RGS6: variants seen among roughly 807,000 people sequenced by gnomAD.
RGS6 encodes regulator of G-protein signaling 6.
RGS6 carries 30 observed loss-of-function variants against 78.5 expected under a neutral mutation model. The observed-to-expected ratio is 0.38, with a 90% CI of 0.29 to 0.52. The LOEUF is 0.52. Among genes scored for constraint, RGS6 ranks in the 20% least tolerant of loss-of-function variants. The pLI, the probability that RGS6 is intolerant of heterozygous loss-of-function variation, is 0.85. For missense variants in RGS6, 495 were observed against 609.7 expected (o/e 0.81, Z 1.98); for synonymous variants, 206 against 206.0 (o/e 1.00, Z 0.00).
chr14:72,096,821 G>A (rs2095418259), intron 2 of RGS6, among the ~76,000 whole-genome samples: 1 of 152,230 alleles, frequency 6.6e-6, no homozygotes, highest in Non-Finnish European at 1.5e-5. Flanking sequence ...CCCAGATGAA[G>A]GGGCAAGTTC....
At chr14:72,129,013 T>C (rs1005831577) in intron 2 of RGS6, among the ~76,000 whole-genome samples, 1 of 152,196 alleles carries the variant, frequency 6.6e-6, no homozygotes, top group African/African-American at 2.4e-5. Flanking sequence ...TTAAAAAAGG[T>C]GTAAAGCCTC....
At chr14:71,910,172 A>G in the RGS6 span, among the ~76,000 whole-genome samples, 98 of 151,650 alleles carry the variant, frequency 6.5e-4, no homozygotes, top group Non-Finnish European at 1.3e-3. Flanking sequence ...CCTAGGCAAC[A>G]GAGCGAGACT....
At chr14:72,416,957 G>C (rs2093856701) in intron 3 of RGS6, among the ~76,000 whole-genome samples, 1 of 152,182 alleles carries the variant, frequency 6.6e-6, no homozygotes, top group Non-Finnish European at 1.5e-5. Context: ...ACTTGGAACA[G>C]GGCCTGGCAC....
At chr14:72,534,569 A>G (rs2097221604) in intron 15 of RGS6, among the ~76,000 whole-genome samples, 1 of 152,212 alleles carries the variant, frequency 6.6e-6, no homozygotes, top group African/African-American at 2.4e-5. Flanking sequence ...TTATGCCTAT[A>G]TACTGCATTT....
chr14:72,028,937 G>A (rs891269174), intron 2 of RGS6, among the ~76,000 whole-genome samples: 1 of 152,184 alleles, frequency 6.6e-6, no homozygotes, highest in East Asian at 1.9e-4. Flanking sequence ...CGTCATAAAA[G>A]CAGAATCTCC....
chr14:71,914,667 C>G, the RGS6 span, among the ~76,000 whole-genome samples: 1 of 151,938 alleles, frequency 6.6e-6, no homozygotes, highest in South Asian at 2.1e-4. Context: ...TCTTGTTGCC[C>G]AGGCTGGCAA....
chr14:71,928,549 C>T (rs1351904048), upstream of RGS6, among the ~76,000 whole-genome samples: 1 of 152,156 alleles, frequency 6.6e-6, no homozygotes, highest in African/African-American at 2.4e-5. Flanking sequence ...TAGTTTTCTA[C>T]CTTGGCCTGT....
intron 2 of RGS6, among the ~76,000 whole-genome samples, chr14:72,306,846 G>A (rs984962816): frequency 2.0e-5 from 3 of 152,252 alleles, no homozygotes; most frequent in African/African-American, 7.2e-5. Flanking sequence ...TGACAACAAA[G>A]TATTTAGAAT....
the RGS6 span, among the ~76,000 whole-genome samples, chr14:71,898,416 C>A: frequency 6.6e-6 from 1 of 152,140 alleles, no homozygotes; most frequent in Admixed American, 6.5e-5. Flanking sequence ...CTAGTTGAAG[C>A]CTTTAGCATC....
intron 2 of RGS6, among the ~76,000 whole-genome samples, chr14:72,300,771 G>T (rs1027530328): frequency 1.3e-5 from 2 of 152,118 alleles, no homozygotes; most frequent in Non-Finnish European, 2.9e-5. Flanking sequence ...GTCAGTAAAT[G>T]TTTGTCAAAA....
At chr14:72,609,154 G>T in the RGS6 span, among the ~76,000 whole-genome samples, 10 of 152,224 alleles carry the variant, frequency 6.6e-5, no homozygotes, top group Non-Finnish European at 1.0e-4. Context: ...GCAAGGAAGG[G>T]GTAGGGGCTT....
the RGS6 span, among the ~76,000 whole-genome samples, chr14:71,913,440 G>A: frequency 1.8e-4 from 27 of 152,294 alleles, no homozygotes; most frequent in East Asian, 1.9e-3. Flanking sequence ...TCCTTCCTCT[G>A]TGGCTCTCAC....
chr14:72,021,952 C>T (rs562574253), intron 2 of RGS6, among the ~76,000 whole-genome samples: 1 of 152,092 alleles, frequency 6.6e-6, no homozygotes, highest in African/African-American at 2.4e-5. Flanking sequence ...CAAGTAGACC[C>T]CAGTGTCTGC....
chr14:72,377,495 A>G (rs2085052820), intron 3 of RGS6, among the ~76,000 whole-genome samples: 1 of 152,222 alleles, frequency 6.6e-6, no homozygotes, highest in Non-Finnish European at 1.5e-5. Context: ...TCATCTACAC[A>G]GAAAATCAAC....
chr14:72,121,934 G>T (rs931338871), intron 2 of RGS6, among the ~76,000 whole-genome samples: 2 of 152,148 alleles, frequency 1.3e-5, no homozygotes, highest in Non-Finnish European at 2.9e-5. Context: ...GTTTTTGGTT[G>T]TCAAAACTGG....
chr14:72,271,010 G>T (rs2059849866), intron 2 of RGS6, among the ~76,000 whole-genome samples: 1 of 152,168 alleles, frequency 6.6e-6, no homozygotes, highest in African/African-American at 2.4e-5. Flanking sequence ...TGAGCAAATT[G>T]TGGTCTTGAA....
At chr14:72,281,774 G>A (rs1415911519) in intron 2 of RGS6, among the ~76,000 whole-genome samples, 3 of 152,182 alleles carry the variant, frequency 2.0e-5, no homozygotes, top group Non-Finnish European at 4.4e-5. Flanking sequence ...GGAACAAAAT[G>A]AAGATCAGAG....
intron 3 of RGS6, among the ~76,000 whole-genome samples, chr14:72,431,762 A>T (rs1429697086): frequency 2.0e-5 from 3 of 152,092 alleles, no homozygotes; most frequent in Admixed American, 2.0e-4. Context: ...CCCCCAAGGG[A>T]TATGGACAGG....
At chr14:72,265,194 A>G (rs2058829523) in intron 2 of RGS6, among the ~76,000 whole-genome samples, 1 of 152,166 alleles carries the variant, frequency 6.6e-6, no homozygotes, top group Non-Finnish European at 1.5e-5. Context: ...ATTTGATTGA[A>G]TTAGTGGTGT....
Sources: gnomAD v4.1 joint callset for allele counts (sites outside exome capture counted in the v4.1 genomes callset) on GRCh38, gnomAD v4.1.1 for gene constraint, MANE v1.5 for transcripts, NCBI Gene and HGNC (gene_info 2026-07-23, HGNC 2026-07-21) for gene names.